Variants in CPT1A observed in about 807,000 individuals in gnomAD.
CPT1A encodes carnitine palmitoyltransferase 1A.
A neutral mutation model predicts 100.8 loss-of-function variants in CPT1A; 64 were observed. The ratio of observed to expected loss-of-function variants is 0.63; its 90% CI spans 0.52 to 0.78. CPT1A has a LOEUF of 0.78. CPT1A is among the 30% of genes least tolerant of loss of function. CPT1A has a pLI of 0.00. For missense variants in CPT1A, 802 were observed against 1,034.1 expected (o/e 0.78, Z 3.08); for synonymous variants, 363 against 396.0 (o/e 0.92, Z 0.99).
intron 16 of CPT1A, 94 bp downstream of exon 16, chr11:68,761,441 T>C: frequency 7.0e-7 from 1 of 1,429,150 alleles, no homozygotes; most frequent in Non-Finnish European, 9.8e-7. Flanking sequence ...CAAATGCCCA[T>C]TCTGACATTA....
chr11:68,840,396 G>T (rs1025642669), intron 1 of CPT1A, among the ~76,000 whole-genome samples: 10 of 152,176 alleles, frequency 6.6e-5, no homozygotes, highest in African/African-American at 2.4e-4. Flanking sequence ...TTGCATATCT[G>T]GAATGACCAG....
intron 1 of CPT1A, among the ~76,000 whole-genome samples, chr11:68,829,877 G>A (rs777345324): frequency 2.6e-4 from 39 of 151,954 alleles, no homozygotes; most frequent in African/African-American, 8.2e-4. Flanking sequence ...ATGGGGCCGC[G>A]GATGTGTCTA....
chr11:68,757,462 G>T lies in CPT1A; in HGVS notation c.*182C>A. On this transcript the variant is annotated 3_prime_UTR_variant, in exon 19 of 19. Transcript: ENST00000265641. ...GGGAGGGCAAGTCTGGAAGTAGTGG[G>T]GTTATGCTTCACAGGGGAGAGATAC... 1 of 1,470,488 alleles carries T rather than the reference G, an allele frequency of 6.8e-7. No homozygotes were observed. Among genetic ancestry groups the T allele is most frequent in the Non-Finnish European group, 9.0e-7 (1 of 1,116,300 alleles). 91.1% of individuals were successfully genotyped at this position (1,470,488 alleles called of 1,614,324 possible).
chr11:68,825,364 A>T (rs1435715155), intron 1 of CPT1A, among the ~76,000 whole-genome samples: 1 of 152,122 alleles, frequency 6.6e-6, no homozygotes, highest in Non-Finnish European at 1.5e-5. Flanking sequence ...CCCACCTCCC[A>T]GGAAGGGAAG....
At chr11:68,830,909 T>G (rs926356091) in intron 1 of CPT1A, among the ~76,000 whole-genome samples, 1 of 152,192 alleles carries the variant, frequency 6.6e-6, no homozygotes, top group Non-Finnish European at 1.5e-5. Flanking sequence ...CCAAATACAC[T>G]TCTCAAGGAC....
In CPT1A at chr11:68,838,264, C is replaced by G. The variant is rs184074566; in HGVS notation, c.-14+3511G>C. ...CGTTCCTGGACCGAAGAACAATCCT[C>G]ACCAAAAAAAAGGCAAAGGCAGACA... is the stretch of plus-strand genomic sequence containing the variant. On this transcript the variant is annotated intron_variant, in intron 1 of 18. Transcript: ENST00000265641. 1.7e-3 allele frequency among the ~76,000 whole-genome samples: 265 copies of G among 151,862 alleles called. 1 individual carries two copies. The highest frequency in any genetic ancestry group is 5.6e-3 in the African/African-American group (234 of 41,426).
chr11:68,838,975 T>C (rs931826008), intron 1 of CPT1A, among the ~76,000 whole-genome samples: 9 of 152,144 alleles, frequency 5.9e-5, no homozygotes, highest in African/African-American at 2.2e-4. Flanking sequence ...AGAAGACAAG[T>C]GAGGCCTCTT....
Position 68,841,810 on chromosome 11 carries a change from A to AGAG in CPT1A, c.-50_-49insCTC, listed in dbSNP as rs1064794500. 25 of 993,566 alleles carry AGAG rather than the reference A, an allele frequency of 2.5e-5. No individual in the cohort carries two copies. In the East Asian group the frequency reaches 2.3e-3, roughly 90 times the overall value. 61.5% of individuals were successfully genotyped at this position (993,566 alleles called of 1,614,324 possible). A position where few individuals can be genotyped will look rare whatever the true frequency, so the allele number is the denominator to read the frequency against. On this transcript the variant is annotated 5_prime_UTR_variant, in exon 1 of 19. Coordinates refer to ENST00000265641, the MANE Select transcript of CPT1A (RefSeq NM_001876.4). The surrounding 1 kb of genome is among the most constrained non-coding windows in gnomAD (Gnocchi z 6.3). ...ACGGAGGTGCGGCAGCGGCAGCGGC[A>AGAG]GCGGCGGCGGCGGCGGCGGCGGTGG... is the stretch of plus-strand genomic sequence containing the variant.
chr11:68,804,608 A>G (rs548715480), intron 4 of CPT1A, among the ~76,000 whole-genome samples: 1 of 152,280 alleles, frequency 6.6e-6, no homozygotes, highest in African/African-American at 2.4e-5. Flanking sequence ...ACAAAAACAA[A>G]CAAACCAAAA....
chr11:68,822,335 C>G (rs1213376350), intron 1 of CPT1A, among the ~76,000 whole-genome samples: 1 of 152,034 alleles, frequency 6.6e-6, no homozygotes, highest in Admixed American at 6.6e-5. Context: ...AGTTCGAGAC[C>G]AGCCTGGGGA....
Position 68,804,163 on chromosome 11 carries a change from G to A in CPT1A, c.454-62C>T, listed in dbSNP as rs757250492. On this transcript the variant is annotated intron_variant, in intron 4 of 18. Transcript: ENST00000265641. ...TACTACTCTGAAGGCACCTGTTCTC[G>A]TCTGATCTCGTGAAGCTAAGCAGGG... 4.2e-5 allele frequency: 54 copies of A among 1,277,760 alleles called. No individual in the cohort carries two copies. In the Middle Eastern group the frequency reaches 5.5e-4, roughly 13 times the overall value. 79.2% of individuals were successfully genotyped at this position (1,277,760 alleles called of 1,614,324 possible).
chr11:68,802,489 T>G (rs1204940243), intron 5 of CPT1A, among the ~76,000 whole-genome samples: 1 of 149,772 alleles, frequency 6.7e-6, no homozygotes, highest in East Asian at 2.0e-4. Flanking sequence ...CCCAGTACTT[T>G]CGGAGGCCGA....
chr11:68,837,845 G>A (rs1171798580), intron 1 of CPT1A, among the ~76,000 whole-genome samples: 1 of 152,100 alleles, frequency 6.6e-6, no homozygotes, highest in Non-Finnish European at 1.5e-5. Context: ...AAAAAGAAAG[G>A]ATGTCTCAAA....
chr11:68,813,946 G>A (rs1490245339), intron 2 of CPT1A, among the ~76,000 whole-genome samples: 2 of 152,156 alleles, frequency 1.3e-5, no homozygotes, highest in Non-Finnish European at 2.9e-5. Context: ...GGCTCCCAGG[G>A]GCTTGCCCGC....
chr11:68,822,192 A>T (rs1856602237), intron 1 of CPT1A, among the ~76,000 whole-genome samples: 1 of 152,098 alleles, frequency 6.6e-6, no homozygotes, highest in Admixed American at 6.6e-5. Flanking sequence ...AGCCTGCGCA[A>T]CATGGCAAGC....
At chr11:68,800,843 G>A (rs1435826037) in intron 5 of CPT1A, among the ~76,000 whole-genome samples, 3 of 152,162 alleles carry the variant, frequency 2.0e-5, no homozygotes, top group Non-Finnish European at 4.4e-5. Flanking sequence ...AGCTGGGCAC[G>A]GTGGCTTATG....
intron 1 of CPT1A, among the ~76,000 whole-genome samples, chr11:68,816,020 C>T (rs1435463943): frequency 2.9e-4 from 43 of 148,544 alleles, no homozygotes; most frequent in Admixed American, 2.7e-3. Context: ...GGACGTCCCC[C>T]GGAACCACGC....
At chr11:68,822,240 AT>A (rs1226242657) in intron 1 of CPT1A, among the ~76,000 whole-genome samples, 1 of 151,730 alleles carries the variant, frequency 6.6e-6, no homozygotes, top group Non-Finnish European at 1.5e-5. Flanking sequence ...AAAAAAAAAA[AT>A]AAAAATTGGG....
rs1456795974 is a variant in CPT1A, at chr11:68,761,629, C to A, written c.1934G>T (p.Arg645Leu). 3 of 1,614,090 alleles carry A rather than the reference C, an allele frequency of 1.9e-6. No individual in the cohort carries two copies. The highest frequency in any genetic ancestry group is 2.2e-5 in the South Asian group (2 of 91,066). ...LASEKHQHMY[R>L]LAMTGSGIDR... ...GATCCCAGAGCCGGTCATGGCGAGG[C>A]GATACATATGCTGATGCTTCTCAGA... Residue 645 changes from arginine to leucine, a missense_variant, in exon 16 of 19, where the codon CGC (arginine) becomes CTC (leucine). Physicochemically the swap from Arg to Leu is moderately radical, Grantham distance 102. Coordinates refer to ENST00000265641, the MANE Select transcript of CPT1A (RefSeq NM_001876.4).
Sources: allele counts gnomAD v4.1 joint callset (sites outside exome capture counted in the v4.1 genomes callset), GRCh38; gene constraint gnomAD v4.1.1; non-coding constraint Gnocchi (gnomAD v3.1); transcripts MANE v1.5; gene names NCBI Gene and HGNC (gene_info 2026-07-23, HGNC 2026-07-21).